The following KCNH1 variants were observed in gnomAD, a reference collection of about 807,000 sequenced individuals.
The protein encoded by KCNH1 is voltage-gated delayed rectifier potassium channel KCNH1.
In KCNH1, 27 loss-of-function variants were observed where a neutral mutation model predicts 69.2. The observed-to-expected ratio is 0.39, with a 90% CI of 0.29 to 0.54. KCNH1 has a LOEUF of 0.54. Among genes scored for constraint, KCNH1 ranks in the 20% least tolerant of loss-of-function variants. The pLI is 0.68. For missense variants in KCNH1, 798 were observed against 1,261.6 expected, an observed-to-expected ratio of 0.63 and a Z score of 5.57; for synonymous variants, 456 against 487.7, an observed-to-expected ratio of 0.93 and a Z score of 0.86.
intron 10 of KCNH1, among the ~76,000 whole-genome samples, chr1:210,740,244 A>T (rs1306824406): frequency 2.0e-5 from 3 of 152,222 alleles, no homozygotes. Flanking sequence ...CCAGAACATC[A>T]GGAAATACCA....
chr1:210,964,297 T>TAA (rs1303437868), intron 6 of KCNH1, among the ~76,000 whole-genome samples: 1 of 152,064 alleles, frequency 6.6e-6, no homozygotes, highest in African/African-American at 2.4e-5. Context: ...GCACTAAACA[T>TAA]GGAAAGGAAC....
intron 10 of KCNH1, among the ~76,000 whole-genome samples, chr1:210,752,970 C>T (rs956085456): frequency 1.3e-5 from 2 of 152,062 alleles, no homozygotes; most frequent in Non-Finnish European, 2.9e-5. Flanking sequence ...CATATGAACA[C>T]AGAGGCAGAG....
At chr1:210,850,739 A>T (rs935313705) in intron 7 of KCNH1, among the ~76,000 whole-genome samples, 3 of 152,274 alleles carry the variant, frequency 2.0e-5, no homozygotes, top group Admixed American at 2.0e-4. Context: ...GAACAATGCC[A>T]CTCTAACATC....
chr1:210,742,180 T>C (rs992126860), intron 10 of KCNH1, among the ~76,000 whole-genome samples: 1 of 152,198 alleles, frequency 6.6e-6, no homozygotes, highest in Non-Finnish European at 1.5e-5. Context: ...AGGTCAAATC[T>C]AGTCACCATG....
chr1:210,970,550 A>G (rs1161223425), intron 6 of KCNH1, among the ~76,000 whole-genome samples: 3 of 152,158 alleles, frequency 2.0e-5, no homozygotes, highest in African/African-American at 7.2e-5. Context: ...AGGATTTCCT[A>G]TTTAATAAAT....
At chr1:210,801,734 C>A (rs902926990) in intron 8 of KCNH1, among the ~76,000 whole-genome samples, 2 of 152,218 alleles carry the variant, frequency 1.3e-5, no homozygotes, top group African/African-American at 4.8e-5. Flanking sequence ...TCTGCTCCAT[C>A]AGCTGCCAGG....
At chr1:210,723,215 ATACCT>A (rs987633314) in intron 10 of KCNH1, among the ~76,000 whole-genome samples, 25 of 152,182 alleles carry the variant, frequency 1.6e-4, no homozygotes, top group African/African-American at 4.3e-4. Flanking sequence ...AAAAAAAATG[ATACCT>A]TACATTTTTT....
intron 10 of KCNH1, among the ~76,000 whole-genome samples, chr1:210,753,347 A>T (rs1339131527): frequency 6.6e-6 from 1 of 152,194 alleles, no homozygotes; most frequent in African/African-American, 2.4e-5. Context: ...ACAATACAGG[A>T]CACACACAAA....
intron 6 of KCNH1, among the ~76,000 whole-genome samples, chr1:210,946,977 T>C (rs1687969729): frequency 6.6e-6 from 1 of 152,164 alleles, no homozygotes; most frequent in Admixed American, 6.5e-5. Context: ...CTCCCCACAG[T>C]GCAATATCAC....
At chr1:210,882,757 T>C (rs1686524080) in intron 7 of KCNH1, among the ~76,000 whole-genome samples, 1 of 152,182 alleles carries the variant, frequency 6.6e-6, no homozygotes, top group South Asian at 2.1e-4. Flanking sequence ...ATGTGCTCGC[T>C]GGAGGATTGC....
Position 210,683,967 on chromosome 1 carries a change from C to A in KCNH1, c.2284G>T (p.Asp762Tyr). Residue 762 changes from aspartate to tyrosine, a missense_variant, in exon 11 of 11, where the codon GAT becomes TAT. Asp to Tyr is a radical substitution (Grantham distance 160, BLOSUM62 -3). This residue lies in a region of KCNH1 where 331 missense variants were observed against 363.2 expected (regional missense o/e 0.91). Transcript: ENST00000271751. This position sits in a 1 kb window ranked among gnomAD's most constrained non-coding sequence, Gnocchi z 5.7. ...TTGCCCTTCTCCACATCTAGGTCATCCAGGTCCCGGCCCCCTCTCTCAGCT... is the reference window on the plus strand; with the variant it reads ...TTGCCCTTCTCCACATCTAGGTCATACAGGTCCCGGCCCCCTCTCTCAGCT... Reference protein sequence around the residue: ...LAAERGGRDLDDLDVEKGNVL... With the variant: ...LAAERGGRDLYDLDVEKGNVL... 1 of 1,602,584 alleles carries A rather than the reference C, an allele frequency of 6.2e-7. No homozygotes were observed. Among genetic ancestry groups the A allele is most frequent in the South Asian group, 1.1e-5 (1 of 90,460 alleles).
intron 10 of KCNH1, among the ~76,000 whole-genome samples, chr1:210,684,858 C>T (rs1243953944): frequency 2.0e-5 from 3 of 152,212 alleles, no homozygotes; most frequent in African/African-American, 7.2e-5. Flanking sequence ...TTTAATGCTA[C>T]TTCATGTATT....
chr1:210,861,011 T>A (rs1370011283), intron 7 of KCNH1: 1 of 1,056,066 alleles, frequency 9.5e-7, no homozygotes, highest in Non-Finnish European at 1.5e-6. Flanking sequence ...AAGGTCAGCA[T>A]TGGGTTCTGT....
chr1:210,754,096 T>G (rs180773983), intron 10 of KCNH1, among the ~76,000 whole-genome samples: 5 of 151,892 alleles, frequency 3.3e-5, no homozygotes, highest in Admixed American at 1.3e-4. Flanking sequence ...TTTTTTTGTA[T>G]TTTTAGTAGA....
At chr1:211,058,406 A>G (rs983818207) in intron 5 of KCNH1, among the ~76,000 whole-genome samples, 1 of 151,998 alleles carries the variant, frequency 6.6e-6, no homozygotes, top group Non-Finnish European at 1.5e-5. Context: ...TATATTTTTT[A>G]AGACAGTACA....
chr1:211,084,559 G>T (rs1476357386), intron 4 of KCNH1, among the ~76,000 whole-genome samples: 3 of 152,176 alleles, frequency 2.0e-5, no homozygotes, highest in Non-Finnish European at 1.5e-5. Context: ...TCACTCTCTG[G>T]CCTAGCCCTG....
intron 10 of KCNH1, among the ~76,000 whole-genome samples, chr1:210,749,742 C>CTTTTTTTT (rs34174582): frequency 7.7e-6 from 1 of 130,558 alleles, no homozygotes. Flanking sequence ...AGGCTGCTCA[C>CTTTTTTTT]TTTTTTTTTT....
intron 6 of KCNH1, among the ~76,000 whole-genome samples, chr1:210,985,121 G>T (rs1688803471): frequency 6.6e-6 from 1 of 152,114 alleles, no homozygotes; most frequent in African/African-American, 2.4e-5. Context: ...TGTGGGATCG[G>T]TGGTGATATC....
intron 3 of KCNH1, among the ~76,000 whole-genome samples, chr1:211,092,767 C>T (rs1691074547): frequency 6.6e-6 from 1 of 152,034 alleles, no homozygotes; most frequent in African/African-American, 2.4e-5. Flanking sequence ...AAGCTTATAT[C>T]CTCACAGCTC....
Sources: gnomAD v4.1 joint callset for allele counts (sites outside exome capture counted in the v4.1 genomes callset) on GRCh38, gnomAD v4.1.1 for gene constraint, gnomAD v4.1.1 regional missense constraint, Gnocchi (gnomAD v3.1) non-coding constraint, MANE v1.5 for transcripts, NCBI Gene and HGNC (gene_info 2026-07-23, HGNC 2026-07-21) for gene names.